Variants in RTRAF observed in about 807,000 individuals in gnomAD.
RTRAF encodes RNA transcription, translation and transport factor.
RTRAF carries 14 observed loss-of-function variants against 34.4 expected under a neutral mutation model. The observed-to-expected ratio is 0.41, with a 90% CI of 0.27 to 0.64. The LOEUF (loss-of-function observed/expected upper bound fraction) is 0.64. Ranked by LOEUF, RTRAF falls within the 30% of genes least tolerant of loss-of-function variation. The probability of loss-of-function intolerance (pLI) is 0.34; values close to 1 mark genes in which losing one functional copy is unlikely to be tolerated. For synonymous variants in RTRAF, 96 were observed against 95.3 expected (o/e 1.01, Z -0.04); for missense variants, 291 against 288.4 (o/e 1.01, Z -0.06).
In RTRAF at chr14:52,005,206, A is replaced by AATG. The variant is rs1890715200; in HGVS notation, c.*693_*695dup. ...GAATGAATTTGATCTTTTAAATATT[A>AATG]ATGATAAATGTTTACAAGAAGTTGC... is the stretch of plus-strand genomic sequence containing the variant. On this transcript the variant is annotated 3_prime_UTR_variant, in exon 8 of 8. Coordinates refer to ENST00000261700, the MANE Select transcript of RTRAF (RefSeq NM_016039.3). 2 of 314,544 alleles carry AATG rather than the reference A, an allele frequency of 6.4e-6. No individual in the cohort carries two copies. Among genetic ancestry groups the AATG allele is most frequent in the Non-Finnish European group, 1.2e-5 (2 of 172,904 alleles). The allele number at this position is 314,544 out of a possible 1,614,324, so 19.5% of individuals were successfully genotyped here.
At chr14:51,998,224 T>G (rs1890550119) in intron 3 of RTRAF, 1 of 246,770 alleles carries the variant, frequency 4.1e-6, no homozygotes, top group Non-Finnish European at 7.7e-6. Context: ...AAATATTATA[T>G]GAAATTACCT....
intron 3 of RTRAF, among the ~76,000 whole-genome samples, chr14:51,997,339 TC>T (rs1027755570): frequency 3.9e-5 from 6 of 152,004 alleles, no homozygotes; most frequent in Non-Finnish European, 7.4e-5. Flanking sequence ...TTGTAAGTTT[TC>T]CCATCTCTAA....
chr14:52,005,392 A>AATTCCTTTTT lies in RTRAF; in HGVS notation c.*877_*886dup. The AATTCCTTTTT allele has an allele frequency of 1.6e-6, 2 of 1,277,858 alleles. No individual in the cohort carries two copies. Among genetic ancestry groups the AATTCCTTTTT allele is most frequent in the Non-Finnish European group, 2.1e-6 (2 of 947,262 alleles). The allele number at this position is 1,277,858 out of a possible 1,614,324, so 79.2% of individuals were successfully genotyped here. A position where few individuals can be genotyped will look rare whatever the true frequency, so the allele number is the denominator to read the frequency against. Reference sequence around the variant, plus strand: ...GGATGCTCAGGAACGTCTAATGGCCAATTCCTTTTTTACTTTCTTTGCCTT... The same window carrying AATTCCTTTTT: ...GGATGCTCAGGAACGTCTAATGGCCAATTCCTTTTTATTCCTTTTTTACTTTCTTTGCCTT... On this transcript the variant is annotated 3_prime_UTR_variant, in exon 8 of 8. Transcript: ENST00000261700.
In RTRAF at chr14:51,991,477, G is replaced by A. The variant is rs764322132; in HGVS notation, c.186+36G>A. 20 of 1,575,080 alleles carry A rather than the reference G, an allele frequency of 1.3e-5. No homozygotes were observed. In the South Asian group the frequency reaches 1.8e-4, roughly 14 times the overall value. On this transcript the variant is annotated intron_variant, in intron 2 of 7. Coordinates refer to ENST00000261700, the MANE Select transcript of RTRAF (RefSeq NM_016039.3). ...AGGAAGTAAAGTAAAAATACAGAGA[G>A]TTTGTCTGAAAAATCATGAAGATGA...
At position 52,005,367 on chromosome 14, in the gene RTRAF, G is replaced by GGATGCTCAGGAACGTC; in HGVS notation, c.*852_*867dup. 1 of 912,592 alleles carries GGATGCTCAGGAACGTC rather than the reference G, an allele frequency of 1.1e-6. No individual in the cohort carries two copies. The highest frequency in any genetic ancestry group is 1.6e-6 in the Non-Finnish European group (1 of 639,074). The allele number at this position is 912,592 out of a possible 1,614,324, so 56.5% of individuals were successfully genotyped here. A position where few individuals can be genotyped will look rare whatever the true frequency, so the allele number is the denominator to read the frequency against. ...TTTTGCACTACAAAATGTTCATCTT[G>GGATGCTCAGGAACGTC]GATGCTCAGGAACGTCTAATGGCCA... On this transcript the variant is annotated 3_prime_UTR_variant, in exon 8 of 8. Coordinates refer to ENST00000261700, the MANE Select transcript of RTRAF (RefSeq NM_016039.3).
In RTRAF at chr14:52,005,282, A is replaced by T. The variant is rs1222406395; in HGVS notation, c.*766A>T. The T allele has an allele frequency of 2.4e-6, 1 of 414,266 alleles. No individual in the cohort carries two copies. Among genetic ancestry groups the T allele is most frequent in the Non-Finnish European group, 4.2e-6 (1 of 237,422 alleles). 25.7% of individuals were successfully genotyped at this position (414,266 alleles called of 1,614,324 possible). A position where few individuals can be genotyped will look rare whatever the true frequency, so the allele number is the denominator to read the frequency against. On this transcript the variant is annotated 3_prime_UTR_variant, in exon 8 of 8. Transcript: ENST00000261700. ...GTTACCTTTTTAAACTTGCAATAAC[A>T]ACCTTCATTTTTAAAAATACAGTAG...
intron 3 of RTRAF, among the ~76,000 whole-genome samples, chr14:51,994,269 C>G (rs900761115): frequency 1.3e-5 from 2 of 152,190 alleles, no homozygotes; most frequent in African/African-American, 4.8e-5. Flanking sequence ...TTGGAAGCTT[C>G]TGAATGTTAG....
At chr14:51,990,083 G>T (rs924768934) in intron 1 of RTRAF, among the ~76,000 whole-genome samples, 5 of 152,282 alleles carry the variant, frequency 3.3e-5, no homozygotes, top group Middle Eastern at 3.4e-3. Context: ...GGATTCTGAG[G>T]AAGGTGCTGA....
In RTRAF at chr14:52,007,481, T is replaced by C. The variant is rs61971511; in HGVS notation, c.*2965T>C. 117 of 298,112 alleles carry C rather than the reference T, an allele frequency of 3.9e-4. No homozygotes were observed. The highest frequency in any genetic ancestry group is 6.2e-4 in the Non-Finnish European group (98 of 158,890). The allele number at this position is 298,112 out of a possible 1,614,324, so 18.5% of individuals were successfully genotyped here. ...ATAACAGATGTTTATAGGTAAGTTA[T>C]AGTGACCCTCTCCCCGCATAAGAAT... On this transcript the variant is annotated 3_prime_UTR_variant, in exon 8 of 8. Coordinates refer to ENST00000261700, the MANE Select transcript of RTRAF (RefSeq NM_016039.3).
intron 5 of RTRAF, among the ~76,000 whole-genome samples, chr14:52,000,741 T>G (rs1594987557): frequency 6.6e-6 from 1 of 152,200 alleles, no homozygotes; most frequent in East Asian, 1.9e-4. Flanking sequence ...TAGTGAAATT[T>G]AGCTATTTCA....
chr14:52,000,855 A>G (rs1189241205), intron 5 of RTRAF, among the ~76,000 whole-genome samples: 2 of 152,304 alleles, frequency 1.3e-5, no homozygotes, highest in Admixed American at 6.5e-5. Flanking sequence ...GAGTCAGACA[A>G]TGCATAGCGT....
Position 52,005,978 on chromosome 14 carries a change from A to C in RTRAF, c.*1462A>C. 1 of 669,560 alleles carries C rather than the reference A, an allele frequency of 1.5e-6. No individual in the cohort carries two copies. Among genetic ancestry groups the C allele is most frequent in the Non-Finnish European group, 2.7e-6 (1 of 372,136 alleles). The allele number at this position is 669,560 out of a possible 1,614,324, so 41.5% of individuals were successfully genotyped here. A position where few individuals can be genotyped will look rare whatever the true frequency, so the allele number is the denominator to read the frequency against. ...CCTTCTCTGTCCCAGGGCTGGTGCT[A>C]AAGCCATACTGAAGTTTGAAGACCA... On this transcript the variant is annotated 3_prime_UTR_variant, in exon 8 of 8. Coordinates refer to ENST00000261700, the MANE Select transcript of RTRAF (RefSeq NM_016039.3).
At chr14:51,999,647 T>TA in intron 4 of RTRAF, 61 bp from the exon 5 acceptor site, 4 of 1,177,720 alleles carry the variant, frequency 3.4e-6, no homozygotes, top group Non-Finnish European at 5.0e-6. Flanking sequence ...TGTTCACAAA[T>TA]ATGTTTGTAA....
rs534599846 is a variant in RTRAF, at chr14:52,006,612, A to G, written c.*2096A>G. On this transcript the variant is annotated 3_prime_UTR_variant, in exon 8 of 8. Coordinates refer to ENST00000261700, the MANE Select transcript of RTRAF (RefSeq NM_016039.3). ...GGGGTACTTGAGGTTGTTTTGAATGACACGCCGTCCAGTTCCATCAGGTAG... is the reference window on the plus strand; with the variant it reads ...GGGGTACTTGAGGTTGTTTTGAATGGCACGCCGTCCAGTTCCATCAGGTAG... 13 of 1,613,892 alleles carry G rather than the reference A, an allele frequency of 8.1e-6. No individual in the cohort carries two copies. The Admixed American group carries it at 1.3e-4, about 17-fold the overall frequency.
chr14:52,006,976 T>TAG lies in RTRAF; in HGVS notation c.*2460_*2461insAG, dbSNP rs1890810197. 1 of 204,156 alleles carries TAG rather than the reference T, an allele frequency of 4.9e-6. No homozygotes were observed. Among genetic ancestry groups the TAG allele is most frequent in the African/African-American group, 2.3e-5 (1 of 42,960 alleles). The allele number at this position is 204,156 out of a possible 1,614,324, so 12.6% of individuals were successfully genotyped here. A position where few individuals can be genotyped will look rare whatever the true frequency, so the allele number is the denominator to read the frequency against. On this transcript the variant is annotated 3_prime_UTR_variant, in exon 8 of 8. Coordinates refer to ENST00000261700, the MANE Select transcript of RTRAF (RefSeq NM_016039.3). Reference sequence around the variant, plus strand: ...AAGCCTTAGCTTATAAATTATAACATCTGGGTAAATACTTGCCCTTTGTAA... The same window carrying TAG: ...AAGCCTTAGCTTATAAATTATAACATAGCTGGGTAAATACTTGCCCTTTGTAA...
intron 5 of RTRAF, among the ~76,000 whole-genome samples, chr14:52,000,041 A>G (rs140516022): frequency 6.6e-6 from 1 of 152,106 alleles, no homozygotes; most frequent in African/African-American, 2.4e-5. Flanking sequence ...GACAGCTGCT[A>G]ATATCTTTTT....
chr14:52,000,851 G>T, intron 5 of RTRAF, among the ~76,000 whole-genome samples: 1 of 152,278 alleles, frequency 6.6e-6, no homozygotes, highest in Non-Finnish European at 1.5e-5. Flanking sequence ...AGGAGAGTCA[G>T]ACAATGCATA....
chr14:52,002,342 C>T (rs1890613701), intron 6 of RTRAF, among the ~76,000 whole-genome samples: 1 of 152,178 alleles, frequency 6.6e-6, no homozygotes, highest in Non-Finnish European at 1.5e-5. Flanking sequence ...TGGCTAAGGT[C>T]ACCTAGTTGG....
Position 52,008,047 on chromosome 14 carries a change from T to C in RTRAF, c.*3531T>C, listed in dbSNP as rs1488592263. The C allele has an allele frequency of 1.8e-6, 2 of 1,133,146 alleles. No individual in the cohort carries two copies. The highest frequency in any genetic ancestry group is 3.1e-5 in the African/African-American group (2 of 64,004). 70.2% of individuals were successfully genotyped at this position (1,133,146 alleles called of 1,614,324 possible). A position where few individuals can be genotyped will look rare whatever the true frequency, so the allele number is the denominator to read the frequency against. On this transcript the variant is annotated 3_prime_UTR_variant, in exon 8 of 8. Coordinates refer to ENST00000261700, the MANE Select transcript of RTRAF (RefSeq NM_016039.3). Reference sequence around the variant, plus strand: ...AGCATCTAAGCAGCCCCCAGTGATCTCCATCTCCTCATGTATTATAGCCTT... The same window carrying C: ...AGCATCTAAGCAGCCCCCAGTGATCCCCATCTCCTCATGTATTATAGCCTT...
Sources: allele counts gnomAD v4.1 joint callset (sites outside exome capture counted in the v4.1 genomes callset), GRCh38; gene constraint gnomAD v4.1.1; transcripts MANE v1.5; gene names NCBI Gene and HGNC (gene_info 2026-07-23, HGNC 2026-07-21).